The following LMO7 variants were observed in gnomAD, a reference collection of about 807,000 sequenced individuals.
The protein encoded by LMO7 is LIM domain only protein 7.
Under a neutral mutation model 206.5 loss-of-function variants are expected in LMO7, and 120 were observed. The observed-to-expected ratio is 0.58, with a 90% CI of 0.50 to 0.68. The LOEUF (loss-of-function observed/expected upper bound fraction) is 0.68, where lower values mean the gene tolerates loss of function less well. Among genes scored for constraint, LMO7 ranks in the 30% least tolerant of loss-of-function variants. LMO7 has a pLI of 0.00. For missense variants in LMO7, 1,959 were observed against 1,957.9 expected, an observed-to-expected ratio of 1.00 and a Z score of -0.01; for synonymous variants, 706 against 681.5, an observed-to-expected ratio of 1.04 and a Z score of -0.56.
In LMO7 at chr13:75,699,940, G is replaced by A. The variant is rs1244903811; in HGVS notation, c.70-13242G>A. 2.6e-5 allele frequency among the ~76,000 whole-genome samples: 4 copies of A among 152,186 alleles called. No individual in the cohort carries two copies. In the East Asian group the frequency reaches 5.8e-4, roughly 22 times the overall value. On this transcript the variant is annotated intron_variant, in intron 1 of 30. Coordinates refer to ENST00000377534, the MANE Select transcript of LMO7 (RefSeq NM_001306080.2). Reference sequence around the variant, plus strand: ...TGCATAAGACAGACACTCCCAGAGCGGCCATTTTAGCGGCTTCCCCCAGGA... The same window carrying A: ...TGCATAAGACAGACACTCCCAGAGCAGCCATTTTAGCGGCTTCCCCCAGGA...
intron 23 of LMO7, 38 bp from the exon 24 acceptor site, chr13:75,841,586 TAAAC>T: frequency 7.3e-7 from 1 of 1,374,480 alleles, no homozygotes; most frequent in East Asian, 2.3e-5. Context: ...ATTACGGAAA[TAAAC>T]AGATTTAGAT....
intron 4 of LMO7, among the ~76,000 whole-genome samples, chr13:75,773,353 T>A (rs1242301104): frequency 6.6e-6 from 1 of 152,048 alleles, no homozygotes; most frequent in Non-Finnish European, 1.5e-5. Flanking sequence ...ATCTCACAGG[T>A]AATGGGATTA....
At chr13:75,757,763 A>G (rs966698489) in intron 3 of LMO7, among the ~76,000 whole-genome samples, 6 of 151,750 alleles carry the variant, frequency 4.0e-5, no homozygotes, top group Middle Eastern at 3.2e-3. Context: ...TAAAGGAGCT[A>G]TTAGATACAT....
In LMO7 at chr13:75,847,271, A is replaced by G. The variant is rs151325422; in HGVS notation, c.4151-1808A>G. Among the ~76,000 whole-genome samples, 456 of 152,316 alleles carry G rather than the reference A, an allele frequency of 3.0e-3. 5 individuals carry two copies. Among genetic ancestry groups the G allele is most frequent in the Non-Finnish European group, 4.9e-3 (332 of 68,030 alleles). On this transcript the variant is annotated intron_variant, in intron 26 of 30. Coordinates refer to ENST00000377534, the MANE Select transcript of LMO7 (RefSeq NM_001306080.2). Reference sequence around the variant, plus strand: ...TAATCCAGATTAAGGTGGGAATGATACGTCAAAGTTGTGGGTGTTTTACCC... The same window carrying G: ...TAATCCAGATTAAGGTGGGAATGATGCGTCAAAGTTGTGGGTGTTTTACCC...
At chr13:75,843,346 T>G (rs1230014660) in intron 25 of LMO7, among the ~76,000 whole-genome samples, 2 of 152,072 alleles carry the variant, frequency 1.3e-5, no homozygotes, top group Non-Finnish European at 2.9e-5. Flanking sequence ...AGAGAGGAAA[T>G]CTGCAAGGCA....
intron 19 of LMO7, among the ~76,000 whole-genome samples, chr13:75,836,681 C>T (rs1378393154): frequency 2.6e-5 from 4 of 152,134 alleles, no homozygotes; most frequent in Non-Finnish European, 4.4e-5. Flanking sequence ...CAGCATGTTC[C>T]GGAGCTTTGA....
chr13:75,795,872 A>C (rs756153391), intron 5 of LMO7, among the ~76,000 whole-genome samples: 2 of 152,230 alleles, frequency 1.3e-5, no homozygotes, highest in African/African-American at 2.4e-5. Flanking sequence ...GTGGGACTTA[A>C]TAGCCAGGTG....
chr13:75,822,614 G>C (rs1311135495), intron 14 of LMO7, among the ~76,000 whole-genome samples: 1 of 151,534 alleles, frequency 6.6e-6, no homozygotes, highest in Non-Finnish European at 1.5e-5. Context: ...AGCTTCCCTG[G>C]AGCAAGAATG....
At chr13:75,850,751 G>A (rs1214397903) in intron 27 of LMO7, among the ~76,000 whole-genome samples, 1 of 152,082 alleles carries the variant, frequency 6.6e-6, no homozygotes, top group Non-Finnish European at 1.5e-5. Context: ...TTATGTATAA[G>A]GACTAGAGAG....
At chr13:75,718,675 G>T (rs949702517) in intron 2 of LMO7, among the ~76,000 whole-genome samples, 6 of 152,114 alleles carry the variant, frequency 3.9e-5, no homozygotes, top group African/African-American at 2.4e-5. Context: ...TTACATTAGG[G>T]TTCATTCTTG....
At position 75,818,089 on chromosome 13, in the gene LMO7, C is replaced by T. The variant is rs531735759; in HGVS notation, c.2064+811C>T. 2.0e-4 allele frequency among the ~76,000 whole-genome samples: 30 copies of T among 152,170 alleles called. 1 individual carries two copies. Among genetic ancestry groups the T allele is most frequent in the Admixed American group, 1.5e-3 (23 of 15,284 alleles). On this transcript the variant is annotated intron_variant, in intron 12 of 30. Transcript: ENST00000377534. ...ATGAAGAAACCCCTGCTCTGGCTAC[C>T]CTTCTAAATTCCAGTGCCTCTTTTA...
At chr13:75,650,549 T>A (rs2037454249) in intron 1 of LMO7, among the ~76,000 whole-genome samples, 1 of 152,210 alleles carries the variant, frequency 6.6e-6, no homozygotes, top group Non-Finnish European at 1.5e-5. Context: ...GCTAGTTGAC[T>A]TGACTGAAAT....
At position 75,859,676 on chromosome 13, in the gene LMO7, A is replaced by G. The variant is rs1269175053; in HGVS notation, c.*1733A>G. 6.6e-6 allele frequency: 1 copy of G among 152,204 alleles called. No individual in the cohort carries two copies. The highest frequency in any genetic ancestry group is 2.1e-4 in the South Asian group (1 of 4,830). The allele number at this position is 152,204 out of a possible 1,614,324, so 9.4% of individuals were successfully genotyped here. On this transcript the variant is annotated 3_prime_UTR_variant, in exon 31 of 31. Transcript: ENST00000377534. ...AGAGATTATGCATTTTAAGACACTC[A>G]TAGTATATATTGCCAAAGTGGTTTC...
chr13:75,785,660 G>A (rs2052317130), intron 4 of LMO7, among the ~76,000 whole-genome samples: 1 of 152,160 alleles, frequency 6.6e-6, no homozygotes, highest in Non-Finnish European at 1.5e-5. Flanking sequence ...GCTAGTATGT[G>A]TATTCAAGAG....
At chr13:75,692,171 TC>T (rs948165616) in intron 1 of LMO7, among the ~76,000 whole-genome samples, 2 of 152,168 alleles carry the variant, frequency 1.3e-5, no homozygotes, top group African/African-American at 4.8e-5. Flanking sequence ...TCTATTGTCC[TC>T]TTATTACATC....
At chr13:75,692,889 T>C (rs1488949143) in intron 1 of LMO7, among the ~76,000 whole-genome samples, 1 of 152,144 alleles carries the variant, frequency 6.6e-6, no homozygotes, top group African/African-American at 2.4e-5. Flanking sequence ...CTTTGGAGGG[T>C]AAAAGAAGGC....
intron 3 of LMO7, among the ~76,000 whole-genome samples, chr13:75,750,764 C>A (rs1476921716): frequency 6.6e-6 from 1 of 152,120 alleles, no homozygotes; most frequent in Non-Finnish European, 1.5e-5. Context: ...GAATTTTTGG[C>A]AGGCTCCCAG....
chr13:75,794,094 G>A (rs936327531), intron 4 of LMO7, among the ~76,000 whole-genome samples: 10 of 152,136 alleles, frequency 6.6e-5, no homozygotes, highest in African/African-American at 1.7e-4. Context: ...TTTTTGTTGC[G>A]ATGAATAGTG....
chr13:75,633,829 A>C, upstream of LMO7, among the ~76,000 whole-genome samples: 1 of 143,332 alleles, frequency 7.0e-6, no homozygotes, highest in African/African-American at 2.6e-5. Context: ...TTATGTAGGA[A>C]CGTGTCTTTT....
Sources: allele counts gnomAD v4.1 joint callset (sites outside exome capture counted in the v4.1 genomes callset), GRCh38; gene constraint gnomAD v4.1.1; transcripts MANE v1.5; gene names NCBI Gene and HGNC (gene_info 2026-07-23, HGNC 2026-07-21).